The following MED28 variants were observed in gnomAD, a reference collection of about 807,000 sequenced individuals.
The protein encoded by MED28 is mediator of RNA polymerase II transcription subunit 28.
In MED28, 26 loss-of-function variants were observed where a neutral mutation model predicts 21.3. That is an observed-to-expected ratio of 1.22 (90% confidence interval 0.89 to 1.69). The LOEUF is 1.69. Among genes scored for constraint, MED28 ranks in the 40% most tolerant of loss-of-function variants. The pLI is 0.00. For missense variants in MED28, 257 were observed against 215.4 expected, an observed-to-expected ratio of 1.19 and a Z score of -1.21; for synonymous variants, 110 against 87.6, an observed-to-expected ratio of 1.26 and a Z score of -1.43.
intron 1 of MED28, among the ~76,000 whole-genome samples, chr4:17,618,559 C>G (rs181909024): frequency 2.0e-5 from 3 of 152,182 alleles, no homozygotes; most frequent in Admixed American, 1.3e-4. Context: ...CCCTGTCACC[C>G]AGGCTGGAGT....
chr4:17,633,548 A>C lies in MED28; in HGVS notation c.*9750A>C. ...ATAACCCATGCTGAAGTTTTCAGGT[A>C]AGTGATTCAGTGTCCCTTGTCTAAT... On this transcript the variant is annotated 3_prime_UTR_variant, in exon 4 of 4. Transcript: ENST00000237380. The C allele has an allele frequency of 2.7e-6, 2 of 742,078 alleles. No individual in the cohort carries two copies. Among genetic ancestry groups the C allele is most frequent in the Non-Finnish European group, 4.1e-6 (2 of 484,000 alleles). 46.0% of individuals were successfully genotyped at this position (742,078 alleles called of 1,614,324 possible).
At position 17,632,426 on chromosome 4, in the gene MED28, T is replaced by C; in HGVS notation, c.*8628T>C. 1 of 958,530 alleles carries C rather than the reference T, an allele frequency of 1.0e-6. No homozygotes were observed. The highest frequency in any genetic ancestry group is 1.5e-6 in the Non-Finnish European group (1 of 645,310). The allele number at this position is 958,530 out of a possible 1,614,324, so 59.4% of individuals were successfully genotyped here. Reference sequence around the variant, plus strand: ...ATTTGTTTTAGCTATCATATATAAATCATAAGCATATTATTTGGTTGGTTG... The same window carrying C: ...ATTTGTTTTAGCTATCATATATAAACCATAAGCATATTATTTGGTTGGTTG... On this transcript the variant is annotated 3_prime_UTR_variant, in exon 4 of 4. Coordinates refer to ENST00000237380, the MANE Select transcript of MED28 (RefSeq NM_025205.5).
chr4:17,620,040 T>C lies in MED28; in HGVS notation c.226+73T>C, dbSNP rs1577231826. 7 of 1,311,834 alleles carry C rather than the reference T, an allele frequency of 5.3e-6. No individual in the cohort carries two copies. In the South Asian group the frequency reaches 7.1e-5, roughly 13 times the overall value. The allele number at this position is 1,311,834 out of a possible 1,614,324, so 81.3% of individuals were successfully genotyped here. A position where few individuals can be genotyped will look rare whatever the true frequency, so the allele number is the denominator to read the frequency against. On this transcript the variant is annotated intron_variant, in intron 2 of 3. Coordinates refer to ENST00000237380, the MANE Select transcript of MED28 (RefSeq NM_025205.5). ...TCCTAGTTGCTAATTTTATACTTCA[T>C]GTGTTTCAGTCCTGCTTTTATCCTA...
rs1714632231 is a variant in MED28, at chr4:17,621,525, G to GA, written c.227-61dup. On this transcript the variant is annotated intron_variant, in intron 2 of 3. Transcript: ENST00000237380. ...TTTTACATTCTGATTATTCATTTAT[G>GA]AGGGAGATAAATGAGTCTGTTGTTT... The GA allele has an allele frequency of 2.8e-6, 3 of 1,073,554 alleles. No homozygotes were observed. The Admixed American group carries it at 7.8e-5, about 28-fold the overall frequency. The allele number at this position is 1,073,554 out of a possible 1,614,324, so 66.5% of individuals were successfully genotyped here.
chr4:17,621,001 C>T (rs1416265488), intron 2 of MED28, among the ~76,000 whole-genome samples: 1 of 148,820 alleles, frequency 6.7e-6, no homozygotes, highest in African/African-American at 2.5e-5. Flanking sequence ...AGCCACCACG[C>T]TTGGCCTCTG....
Position 17,623,848 on chromosome 4 carries a change from G to A in MED28, c.*50G>A. 5 of 1,556,418 alleles carry A rather than the reference G, an allele frequency of 3.2e-6. No homozygotes were observed. Among genetic ancestry groups the A allele is most frequent in the Non-Finnish European group, 3.5e-6 (4 of 1,141,268 alleles). On this transcript the variant is annotated 3_prime_UTR_variant, in exon 4 of 4. Transcript: ENST00000237380. ...ATGAGTGGGCTGATGCGTGAGGTTGGCCACACATTCCTTCCTGTGGACTTG... is the reference window on the plus strand; with the variant it reads ...ATGAGTGGGCTGATGCGTGAGGTTGACCACACATTCCTTCCTGTGGACTTG...
At chr4:17,616,693 T>C (rs892575865) in intron 1 of MED28, among the ~76,000 whole-genome samples, 5 of 152,236 alleles carry the variant, frequency 3.3e-5, no homozygotes, top group Admixed American at 6.5e-5. Flanking sequence ...TTTTTAATAC[T>C]TACCATTAAA....
intron 1 of MED28, among the ~76,000 whole-genome samples, chr4:17,616,118 G>A (rs769416756): frequency 6.6e-6 from 1 of 152,064 alleles, no homozygotes; most frequent in Non-Finnish European, 1.5e-5. Flanking sequence ...CTGCCACCAT[G>A]CTATTTTTTT....
Position 17,628,527 on chromosome 4 carries a change from C to G in MED28, c.*4729C>G, listed in dbSNP as rs1714832287. The G allele has an allele frequency of 6.6e-6, 1 of 152,126 alleles. No individual in the cohort carries two copies. The highest frequency in any genetic ancestry group is 1.5e-5 in the Non-Finnish European group (1 of 68,030). The allele number at this position is 152,126 out of a possible 1,614,324, so 9.4% of individuals were successfully genotyped here. A position where few individuals can be genotyped will look rare whatever the true frequency, so the allele number is the denominator to read the frequency against. On this transcript the variant is annotated 3_prime_UTR_variant, in exon 4 of 4. Coordinates refer to ENST00000237380, the MANE Select transcript of MED28 (RefSeq NM_025205.5). ...AGAGGTTCTTTGTGACACCCTCTGT[C>G]TGAGAAGTCCTATGGTTCTCTGTGA...
At position 17,623,657 on chromosome 4, in the gene MED28, C is replaced by G. The variant is rs769153702; in HGVS notation, c.396C>G (p.His132Gln). ...GGAAAGATGCACTAGTCCAGAAGCACTTGACAAAGCTGAGGCATTGGCAGC... is the reference window on the plus strand; with the variant it reads ...GGAAAGATGCACTAGTCCAGAAGCAGTTGACAAAGCTGAGGCATTGGCAGC... Reference protein sequence around the residue: ...LQRKDALVQKHLTKLRHWQQV... With the variant: ...LQRKDALVQKQLTKLRHWQQV... The change falls in exon 4 of 4, where the codon CAC becomes CAG. Residue 132 changes from histidine to glutamine, a missense_variant. Physicochemically the swap from His to Gln is conservative, Grantham distance 24. Transcript: ENST00000237380. The G allele has an allele frequency of 1.9e-6, 3 of 1,614,212 alleles. No individual in the cohort carries two copies. In the South Asian group the frequency reaches 3.3e-5, roughly 18 times the overall value.
At chr4:17,620,841 A>C (rs1714606239) in intron 2 of MED28, among the ~76,000 whole-genome samples, 1 of 151,466 alleles carries the variant, frequency 6.6e-6, no homozygotes, top group Admixed American at 6.6e-5. Flanking sequence ...AGCTGGGACC[A>C]CAGTGTGAGC....
chr4:17,618,641 C>G (rs934503285), intron 1 of MED28, among the ~76,000 whole-genome samples: 1 of 152,102 alleles, frequency 6.6e-6, no homozygotes, highest in South Asian at 2.1e-4. Flanking sequence ...CTCAGCCTCC[C>G]GAGTAGCTGG....
rs898853787 is a variant in MED28, at chr4:17,630,389, C to G, written c.*6591C>G. On this transcript the variant is annotated 3_prime_UTR_variant, in exon 4 of 4. Transcript: ENST00000237380. ...TTCACCCTCATGAGTAGGATAAGTA[C>G]CCTTACAAAAGAGGCTCAGGGAGGC... The G allele has an allele frequency of 2.6e-5, 4 of 152,072 alleles. No individual in the cohort carries two copies. The highest frequency in any genetic ancestry group is 9.7e-5 in the African/African-American group (4 of 41,402). The allele number at this position is 152,072 out of a possible 1,614,324, so 9.4% of individuals were successfully genotyped here.
chr4:17,621,038 C>T (rs1158856159), intron 2 of MED28, among the ~76,000 whole-genome samples: 17 of 96,508 alleles, frequency 1.8e-4, no homozygotes, highest in African/African-American at 4.7e-4. Flanking sequence ...TTTTTTGAGA[C>T]GGAGTCTCAC....
chr4:17,621,259 A>G (rs1577232418), intron 2 of MED28, among the ~76,000 whole-genome samples: 1 of 149,460 alleles, frequency 6.7e-6, no homozygotes, highest in Non-Finnish European at 1.5e-5. Context: ...TGATTCGCCC[A>G]CCTCGGCCTC....
At chr4:17,621,385 A>G (rs553760027) in intron 2 of MED28, among the ~76,000 whole-genome samples, 1 of 151,664 alleles carries the variant, frequency 6.6e-6, no homozygotes, top group South Asian at 2.1e-4. Context: ...TTTTAACCTG[A>G]GAAAAGCATA....
rs943474647 is a variant in MED28 at position 17,631,891 on chromosome 4, C to T, written c.*8093C>T. On this transcript the variant is annotated 3_prime_UTR_variant, in exon 4 of 4. Transcript: ENST00000237380. ...CTAGCATCCTAAGGACAAGTACAAC[C>T]ACTTTTGAAATAGATCATGGAAATC... 4 of 152,074 alleles carry T rather than the reference C, an allele frequency of 2.6e-5. No homozygotes were observed. The highest frequency in any genetic ancestry group is 7.2e-5 in the African/African-American group (3 of 41,394). The allele number at this position is 152,074 out of a possible 1,614,324, so 9.4% of individuals were successfully genotyped here.
At chr4:17,615,497 G>A (rs1210272808) in intron 1 of MED28, among the ~76,000 whole-genome samples, 5 of 152,158 alleles carry the variant, frequency 3.3e-5, no homozygotes, top group African/African-American at 1.2e-4. Flanking sequence ...GTTCAAATTG[G>A]AGTTAACTTT....
In MED28 at chr4:17,624,016, T is replaced by G. The variant is rs1714708606; in HGVS notation, c.*218T>G. ...GTAGCTTGGATAAACCAAGTAAGTATTTTTTTTTTGTCTTTAGCAAAGTTT... is the reference window on the plus strand; with the variant it reads ...GTAGCTTGGATAAACCAAGTAAGTAGTTTTTTTTTGTCTTTAGCAAAGTTT... On this transcript the variant is annotated 3_prime_UTR_variant, in exon 4 of 4. Transcript: ENST00000237380. 3.1e-6 allele frequency: 1 copy of G among 326,244 alleles called. No individual in the cohort carries two copies. The highest frequency in any genetic ancestry group is 5.6e-6 in the Non-Finnish European group (1 of 177,744). 20.2% of individuals were successfully genotyped at this position (326,244 alleles called of 1,614,324 possible).
Sources: gnomAD v4.1 joint callset for allele counts (sites outside exome capture counted in the v4.1 genomes callset) on GRCh38, gnomAD v4.1.1 for gene constraint, MANE v1.5 for transcripts, NCBI Gene and HGNC (gene_info 2026-07-23, HGNC 2026-07-21) for gene names.